The following SLC35E2B variants were observed in gnomAD, a reference collection of about 807,000 sequenced individuals.
The protein encoded by SLC35E2B is solute carrier family 35, member E2B.
SLC35E2B carries 18 observed loss-of-function variants against 32.4 expected under a neutral mutation model. The ratio of observed to expected loss-of-function variants is 0.56; its 90% CI spans 0.38 to 0.82. The LOEUF (loss-of-function observed/expected upper bound fraction) is 0.82. Ranked by LOEUF, SLC35E2B falls within the 40% of genes least tolerant of loss-of-function variation. The pLI, the probability that SLC35E2B is intolerant of heterozygous loss-of-function variation, is 0.00. For synonymous variants in SLC35E2B, 132 were observed against 209.1 expected (o/e 0.63, Z 3.18); for missense variants, 263 against 469.5 (o/e 0.56, Z 4.06).
intron 8 of SLC35E2B, among the ~76,000 whole-genome samples, chr1:1,669,033 C>A (rs1643617429): frequency 6.6e-6 from 1 of 151,658 alleles, no homozygotes; most frequent in African/African-American, 2.4e-5. Context: ...ATTATATAAT[C>A]CAGCACTTCC....
chr1:1,666,713 T>C (rs1026046158), intron 9 of SLC35E2B, among the ~76,000 whole-genome samples: 2 of 146,508 alleles, frequency 1.4e-5, no homozygotes, highest in Non-Finnish European at 3.0e-5. Flanking sequence ...TGGGGGCTCA[T>C]GCTTGTAACC....
At chr1:1,670,233 G>A (rs1464127300) in intron 6 of SLC35E2B, 82 bp from the exon 7 acceptor site, 3 of 1,038,568 alleles carry the variant, frequency 2.9e-6, no homozygotes, top group Non-Finnish European at 4.3e-6. Flanking sequence ...GCGCTCACAC[G>A]GAGCGATGGC....
chr1:1,680,095 C>G (rs978458741), intron 2 of SLC35E2B, among the ~76,000 whole-genome samples: 3 of 151,916 alleles, frequency 2.0e-5, no homozygotes, highest in Non-Finnish European at 4.4e-5. Flanking sequence ...CCGTTGTACT[C>G]CAGCCTGGGC....
chr1:1,690,127 C>T (rs938329763), intron 2 of SLC35E2B, among the ~76,000 whole-genome samples: 6 of 149,894 alleles, frequency 4.0e-5, no homozygotes, highest in African/African-American at 7.3e-5. Flanking sequence ...ACTAAAAATA[C>T]AAAGTTGGCC....
intron 2 of SLC35E2B, among the ~76,000 whole-genome samples, chr1:1,684,288 T>C (rs910890245): frequency 6.6e-6 from 1 of 152,182 alleles, no homozygotes; most frequent in South Asian, 2.1e-4. Context: ...ATAAGCGCGC[T>C]GAGCCGCTCG....
chr1:1,685,060 T>C (rs555055227), intron 2 of SLC35E2B, among the ~76,000 whole-genome samples: 4 of 150,912 alleles, frequency 2.7e-5, no homozygotes, highest in South Asian at 4.2e-4. Context: ...TGAGCCAAGA[T>C]TGCGCCATTG....
chr1:1,678,708 A>G (rs991447052), intron 2 of SLC35E2B, among the ~76,000 whole-genome samples: 7 of 152,126 alleles, frequency 4.6e-5, no homozygotes. Context: ...ATCTCCACAA[A>G]GACACCATTC....
rs569492898 is a variant in SLC35E2B, at chr1:1,674,648, A to C, written c.586+815T>G. Among the ~76,000 whole-genome samples, 778 of 147,724 alleles carry C rather than the reference A, an allele frequency of 5.3e-3. 14 individuals are homozygous for C. Among genetic ancestry groups the C allele is most frequent in the African/African-American group, 0.017 (710 of 40,590 alleles). ...ATAAAAAAAACAAAAAAAAAAAAAC[A>C]AAAAAAAACCAGAGTTGACTTTTAG... On this transcript the variant is annotated intron_variant, in intron 5 of 9. Transcript: ENST00000617444.
rs528627676 is a variant in SLC35E2B, at chr1:1,680,226, G to A, written c.-147-3380C>T. On this transcript the variant is annotated intron_variant, in intron 2 of 9. Coordinates refer to ENST00000617444, the MANE Select transcript of SLC35E2B (RefSeq NM_001290264.2). ...TGGGGTGGGAGGATTGCTTGAACAA[G>A]AGAGGTCAAGGCTGCAGTGAGCCGT... is the stretch of plus-strand genomic sequence containing the variant. 1.3e-4 allele frequency among the ~76,000 whole-genome samples: 20 copies of A among 152,028 alleles called. No homozygotes were observed. In the South Asian group the frequency reaches 4.2e-3, roughly 32 times the overall value.
chr1:1,686,183 T>C (rs1027925494), intron 2 of SLC35E2B, among the ~76,000 whole-genome samples: 16 of 152,072 alleles, frequency 1.1e-4, no homozygotes, highest in African/African-American at 3.1e-4. Flanking sequence ...TTTGTATTTT[T>C]AGTAGAGACG....
intron 2 of SLC35E2B, among the ~76,000 whole-genome samples, chr1:1,687,163 G>A (rs1040985088): frequency 5.3e-5 from 8 of 152,190 alleles, no homozygotes; most frequent in Non-Finnish European, 7.3e-5. Flanking sequence ...AGGCTTGAAC[G>A]GATGGGCGGA....
At chr1:1,680,676 A>G (rs544636029) in intron 2 of SLC35E2B, among the ~76,000 whole-genome samples, 1 of 151,956 alleles carries the variant, frequency 6.6e-6, no homozygotes, top group East Asian at 1.9e-4. Context: ...GGACTTCACT[A>G]CCATGAACCG....
At position 1,662,807 on chromosome 1, in the gene SLC35E2B, A is replaced by G; in HGVS notation, c.*2975T>C. ...GGTTCAAGTGTTCTGTTCGTTTACA[A>G]AAGCACAGACCACGACCATGGACAC... On this transcript the variant is annotated 3_prime_UTR_variant, in exon 10 of 10. Transcript: ENST00000617444. 2.5e-6 allele frequency: 2 copies of G among 801,616 alleles called. 1 individual carries two copies. The highest frequency in any genetic ancestry group is 1.1e-4 in the South Asian group (2 of 18,966). The allele number at this position is 801,616 out of a possible 1,614,324, so 49.7% of individuals were successfully genotyped here. A position where few individuals can be genotyped will look rare whatever the true frequency, so the allele number is the denominator to read the frequency against.
In SLC35E2B at chr1:1,665,706, A is replaced by G. The variant is rs534528839; in HGVS notation, c.*76T>C. 9 of 1,518,478 alleles carry G rather than the reference A, an allele frequency of 5.9e-6. No individual in the cohort carries two copies. Among genetic ancestry groups the G allele is most frequent in the Non-Finnish European group, 8.0e-6 (9 of 1,127,992 alleles). 94.1% of individuals were successfully genotyped at this position (1,518,478 alleles called of 1,614,324 possible). A position where few individuals can be genotyped will look rare whatever the true frequency, so the allele number is the denominator to read the frequency against. On this transcript the variant is annotated 3_prime_UTR_variant, in exon 10 of 10. Coordinates refer to ENST00000617444, the MANE Select transcript of SLC35E2B (RefSeq NM_001290264.2). Reference sequence around the variant, plus strand: ...CCATGTCCTGCACCCCAGCAGGGCCATGGAGGAGGGCGTCCCTGCCCATTT... The same window carrying G: ...CCATGTCCTGCACCCCAGCAGGGCCGTGGAGGAGGGCGTCCCTGCCCATTT...
chr1:1,678,677 T>A (rs1361088089), intron 2 of SLC35E2B, among the ~76,000 whole-genome samples: 1 of 151,756 alleles, frequency 6.6e-6, no homozygotes, highest in African/African-American at 2.4e-5. Context: ...CATCCACTCC[T>A]CGGGCCACTG....
At chr1:1,689,732 A>T (rs1353432820) in intron 2 of SLC35E2B, among the ~76,000 whole-genome samples, 1 of 151,474 alleles carries the variant, frequency 6.6e-6, no homozygotes, top group African/African-American at 2.4e-5. Flanking sequence ...CATGCCTGTA[A>T]TCCTAGCACT....
chr1:1,690,307 AAT>A (rs931886708), intron 2 of SLC35E2B, among the ~76,000 whole-genome samples: 17 of 100,520 alleles, frequency 1.7e-4, no homozygotes, highest in Middle Eastern at 5.1e-3. Flanking sequence ...AACAAAAAAA[AAT>A]ATATATATAT....
chr1:1,686,248 T>C (rs1355737180), intron 2 of SLC35E2B, among the ~76,000 whole-genome samples: 1 of 151,640 alleles, frequency 6.6e-6, no homozygotes, highest in Non-Finnish European at 1.5e-5. Context: ...GTGATCTGCC[T>C]GCCTCGGCCT....
At chr1:1,680,672 C>T (rs4074197) in intron 2 of SLC35E2B, among the ~76,000 whole-genome samples, 95,900 of 151,850 alleles carry the variant, frequency 0.63, 31,451 homozygotes, top group East Asian at 0.88. Flanking sequence ...TGCAGGACTT[C>T]ACTACCATGA....
Sources: allele counts gnomAD v4.1 joint callset (sites outside exome capture counted in the v4.1 genomes callset), GRCh38; gene constraint gnomAD v4.1.1; transcripts MANE v1.5; gene names NCBI Gene and HGNC (gene_info 2026-07-23, HGNC 2026-07-21).